The following DYM variants were observed in gnomAD, a reference collection of about 807,000 sequenced individuals.
DYM encodes dyggve-Melchior-Clausen syndrome protein.
In DYM, 78 loss-of-function variants were observed where a neutral mutation model predicts 93.1. The observed-to-expected ratio is 0.84, with a 90% confidence interval of 0.70 to 1.01. DYM has a LOEUF of 1.01. DYM is among the 50% of genes least tolerant of loss of function. DYM has a pLI of 0.00. For synonymous variants in DYM, 321 were observed against 319.7 expected (o/e 1.00, Z -0.04); for missense variants, 789 against 845.0 (o/e 0.93, Z 0.82).
chr18:49,207,242 A>G (rs1259924392), intron 14 of DYM, among the ~76,000 whole-genome samples: 2 of 152,192 alleles, frequency 1.3e-5, no homozygotes, highest in Non-Finnish European at 2.9e-5. Context: ...AGGGTTAACA[A>G]TGCGCCAGGC....
At chr18:49,308,322 C>T (rs1319770267) in intron 8 of DYM, among the ~76,000 whole-genome samples, 1 of 151,452 alleles carries the variant, frequency 6.6e-6, no homozygotes, top group Non-Finnish European at 1.5e-5. Context: ...ATATCTTACA[C>T]ATTCAAGTCC....
At chr18:49,168,435 G>T (rs1463422714) in intron 14 of DYM, among the ~76,000 whole-genome samples, 1 of 152,202 alleles carries the variant, frequency 6.6e-6, no homozygotes, top group Non-Finnish European at 1.5e-5. Context: ...AAAGCAGCAT[G>T]TAAACAGAAT....
chr18:49,149,426 A>G (rs2085555144), intron 15 of DYM, among the ~76,000 whole-genome samples: 1 of 152,068 alleles, frequency 6.6e-6, no homozygotes, highest in African/African-American at 2.4e-5. Flanking sequence ...GATCACCCAT[A>G]TGCACTGCTA....
intron 1 of DYM, among the ~76,000 whole-genome samples, chr18:49,431,526 A>G (rs1410842074): frequency 6.6e-6 from 1 of 152,218 alleles, no homozygotes; most frequent in Non-Finnish European, 1.5e-5. Context: ...CCCTTAAATC[A>G]CACTTAACAT....
chr18:49,106,356 TC>T (rs2080807698), intron 16 of DYM, among the ~76,000 whole-genome samples: 1 of 152,228 alleles, frequency 6.6e-6, no homozygotes, highest in Admixed American at 6.5e-5. Flanking sequence ...TGACTCTTTA[TC>T]CAATTTGCCA....
At chr18:49,252,065 T>C (rs187966691) in intron 13 of DYM, among the ~76,000 whole-genome samples, 3 of 151,044 alleles carry the variant, frequency 2.0e-5, no homozygotes, top group Non-Finnish European at 3.0e-5. Context: ...AATACAAAAA[T>C]TAGCCAGGCA....
At chr18:49,421,069 G>C (rs981711020) in intron 2 of DYM, among the ~76,000 whole-genome samples, 9 of 152,152 alleles carry the variant, frequency 5.9e-5, no homozygotes, top group African/African-American at 2.2e-4. Flanking sequence ...CCACCAATGG[G>C]GGCAGGGCAC....
chr18:49,309,989 T>C (rs1400692075), intron 8 of DYM, among the ~76,000 whole-genome samples: 2 of 152,208 alleles, frequency 1.3e-5, no homozygotes, highest in East Asian at 3.8e-4. Context: ...ATCCCTGTGT[T>C]AAGGTAAAAC....
Position 49,286,444 on chromosome 18 carries a change from C to T in DYM, c.936G>A (p.Lys312=). 1 of 1,614,138 alleles carries T rather than the reference C, an allele frequency of 6.2e-7. No homozygotes were observed. The highest frequency in any genetic ancestry group is 1.1e-5 in the South Asian group (1 of 91,082). The change falls in exon 9 of 18, where the codon AAG becomes AAA. Residue 312 remains lysine, a synonymous_variant. Transcript: ENST00000675505. ...AAAAATACCACAAACCTTGTGTGTTCTTGAAGGACATAATGGCTTGTCTGT... is the reference window on the plus strand; with the variant it reads ...AAAAATACCACAAACCTTGTGTGTTTTTGAAGGACATAATGGCTTGTCTGT... ...NPYRQAIMSF[K]NTQDSSPFPS... is the part of the protein sequence containing the mutation.
intron 15 of DYM, among the ~76,000 whole-genome samples, chr18:49,156,584 G>C (rs2086469743): frequency 6.6e-6 from 1 of 151,656 alleles, no homozygotes; most frequent in South Asian, 2.1e-4. Context: ...ATACAAATAT[G>C]AGTAGGGCGT....
chr18:49,207,745 C>A (rs2092589706), intron 14 of DYM, among the ~76,000 whole-genome samples: 1 of 152,120 alleles, frequency 6.6e-6, no homozygotes, highest in Non-Finnish European at 1.5e-5. Flanking sequence ...TTCCAGGCTG[C>A]CAACCTGCCC....
At chr18:49,129,921 T>C (rs1473445625) in intron 15 of DYM, among the ~76,000 whole-genome samples, 5 of 152,144 alleles carry the variant, frequency 3.3e-5, no homozygotes. Flanking sequence ...TAGGAAGCTC[T>C]CTCACCTCCA....
intron 2 of DYM, among the ~76,000 whole-genome samples, chr18:49,425,079 T>C (rs2074134956): frequency 6.6e-6 from 1 of 152,174 alleles, no homozygotes; most frequent in African/African-American, 2.4e-5. Context: ...AGAGCCCGCA[T>C]TGCCAAGTCA....
At position 49,118,952 on chromosome 18, in the gene DYM, C is replaced by T. The variant is rs372192358; in HGVS notation, c.1729-26G>A. 4 of 1,601,614 alleles carry T rather than the reference C, an allele frequency of 2.5e-6. No homozygotes were observed. The African/African-American group carries it at 4.0e-5, about 16-fold the overall frequency. ...CTTATAGAGAAAAGAAACCCCAACA[C>T]AGAGTCAGTCTTTTCCTCCTTGCAA... On this transcript the variant is annotated intron_variant, in intron 15 of 17. Coordinates refer to ENST00000675505, the MANE Select transcript of DYM (RefSeq NM_001353214.3).
chr18:49,163,814 A>T, intron 14 of DYM, 27 bp from the exon 15 acceptor site: 1 of 1,413,846 alleles, frequency 7.1e-7, no homozygotes. Context: ...AAAACCAATT[A>T]TATTAAAGGA....
At chr18:49,351,710 G>T (rs2065134923) in intron 6 of DYM, among the ~76,000 whole-genome samples, 1 of 152,110 alleles carries the variant, frequency 6.6e-6, no homozygotes, top group Admixed American at 6.5e-5. Flanking sequence ...CTGATTATCA[G>T]AAACTCATAA....
chr18:49,457,155 A>G (rs1055992045), intron 1 of DYM, among the ~76,000 whole-genome samples: 9 of 152,184 alleles, frequency 5.9e-5, no homozygotes, highest in African/African-American at 2.2e-4. Flanking sequence ...TTCAAGTCCA[A>G]ATCTCACAGT....
chr18:49,320,716 G>T (rs1443688913), intron 8 of DYM, among the ~76,000 whole-genome samples: 1 of 152,074 alleles, frequency 6.6e-6, no homozygotes, highest in Non-Finnish European at 1.5e-5. Context: ...CAGGTGATCC[G>T]CCTGCCTGGG....
At chr18:49,283,411 T>A (rs1260627726) in intron 9 of DYM, among the ~76,000 whole-genome samples, 1 of 151,862 alleles carries the variant, frequency 6.6e-6, no homozygotes, top group East Asian at 1.9e-4. Context: ...TAATTGACTA[T>A]AACTGTTAAG....
Sources: allele counts gnomAD v4.1 joint callset (sites outside exome capture counted in the v4.1 genomes callset), GRCh38; gene constraint gnomAD v4.1.1; transcripts MANE v1.5; gene names NCBI Gene and HGNC (gene_info 2026-07-23, HGNC 2026-07-21).